Variants in ROCK2 observed in about 807,000 individuals in gnomAD.
The protein encoded by ROCK2 is Rho associated coiled-coil containing protein kinase 2, also known as rho-associated protein kinase 2.
ROCK2 carries 61 observed loss-of-function variants against 195.1 expected under a neutral mutation model. The ratio of observed to expected loss-of-function variants is 0.31; its 90% CI spans 0.25 to 0.39. The LOEUF (loss-of-function observed/expected upper bound fraction) is 0.39. Ranked by LOEUF, ROCK2 falls within the 10% of genes least tolerant of loss-of-function variation. The pLI, the probability that ROCK2 is intolerant of heterozygous loss-of-function variation, is 1.00. For synonymous variants in ROCK2, 504 were observed against 545.5 expected (o/e 0.92, Z 1.06); for missense variants, 1,109 against 1,637.4 (o/e 0.68, Z 5.57).
chr2:11,283,491 G>A (rs1667082012), intron 3 of ROCK2, among the ~76,000 whole-genome samples: 1 of 147,730 alleles, frequency 6.8e-6, no homozygotes. Flanking sequence ...AACCCGGGAA[G>A]CGGAGCTTGC....
intron 3 of ROCK2, among the ~76,000 whole-genome samples, chr2:11,254,094 C>T (rs1263802240): frequency 6.6e-6 from 1 of 152,140 alleles, no homozygotes; most frequent in Non-Finnish European, 1.5e-5. Flanking sequence ...CAGCATGACA[C>T]AATACATTTG....
At chr2:11,335,955 TTAAA>T (rs1668915435) in intron 1 of ROCK2, among the ~76,000 whole-genome samples, 1 of 152,178 alleles carries the variant, frequency 6.6e-6, no homozygotes, top group Non-Finnish European at 1.5e-5. Flanking sequence ...ATACTATTCA[TTAAA>T]TATTTAAAAA....
intron 1 of ROCK2, among the ~76,000 whole-genome samples, chr2:11,293,527 T>C (rs1191220748): frequency 6.6e-6 from 1 of 152,186 alleles, no homozygotes. Context: ...GACTTTTCCT[T>C]GAGCCTCAGG....
chr2:11,320,385 T>A (rs527479848), intron 1 of ROCK2, among the ~76,000 whole-genome samples: 41 of 152,328 alleles, frequency 2.7e-4, no homozygotes, highest in African/African-American at 9.6e-4. Flanking sequence ...CACTGTCTCG[T>A]GGTGCAGCTG....
chr2:11,314,891 A>C (rs1177130722), intron 1 of ROCK2, among the ~76,000 whole-genome samples: 6 of 152,062 alleles, frequency 3.9e-5, no homozygotes, highest in Admixed American at 3.9e-4. Context: ...TCCCTAAAGG[A>C]ATGTGTCCAA....
At chr2:11,211,281 A>G (rs2148059301) in intron 18 of ROCK2, among the ~76,000 whole-genome samples, 1 of 152,346 alleles carries the variant, frequency 6.6e-6, no homozygotes, top group South Asian at 2.1e-4. Context: ...CAAGAATTTT[A>G]TAATACAAAA....
At chr2:11,256,381 T>C (rs1167103018) in intron 3 of ROCK2, among the ~76,000 whole-genome samples, 1 of 151,226 alleles carries the variant, frequency 6.6e-6, no homozygotes, top group Non-Finnish European at 1.5e-5. Flanking sequence ...CTTCCTTCTC[T>C]GGCCACGTAA....
intron 4 of ROCK2, among the ~76,000 whole-genome samples, chr2:11,249,053 GC>G: frequency 6.6e-6 from 1 of 152,042 alleles, no homozygotes; most frequent in South Asian, 2.1e-4. Context: ...GTGCCACTAT[GC>G]CCGGCTAATT....
chr2:11,233,236 T>A (rs1474269118), intron 5 of ROCK2, among the ~76,000 whole-genome samples: 1 of 152,144 alleles, frequency 6.6e-6, no homozygotes, highest in Non-Finnish European at 1.5e-5. Flanking sequence ...AAAAGATTAA[T>A]GTAATTTTTA....
At chr2:11,289,242 C>T (rs1312803522) in intron 1 of ROCK2, among the ~76,000 whole-genome samples, 1 of 152,100 alleles carries the variant, frequency 6.6e-6, no homozygotes, top group African/African-American at 2.4e-5. Flanking sequence ...GAGACATACC[C>T]TCCCACACAC....
At chr2:11,306,425 CCACTTAT>C (rs1558378690) in intron 1 of ROCK2, among the ~76,000 whole-genome samples, 2 of 151,978 alleles carry the variant, frequency 1.3e-5, no homozygotes, top group Non-Finnish European at 2.9e-5. Context: ...TTTCTCCTTA[CCACTTAT>C]CACTATCCTA....
intron 1 of ROCK2, among the ~76,000 whole-genome samples, chr2:11,325,608 G>C (rs1333456453): frequency 1.4e-4 from 22 of 152,192 alleles, no homozygotes; most frequent in Non-Finnish European, 1.6e-4. Context: ...GGTTAGAGAA[G>C]TCAGCAGAAG....
At chr2:11,330,388 A>T (rs1011104619) in intron 1 of ROCK2, among the ~76,000 whole-genome samples, 1 of 152,218 alleles carries the variant, frequency 6.6e-6, no homozygotes, top group Non-Finnish European at 1.5e-5. Context: ...CCCACAAACT[A>T]TAACTCTAAA....
intron 3 of ROCK2, among the ~76,000 whole-genome samples, chr2:11,262,616 C>CTT (rs781378024): frequency 3.3e-5 from 5 of 152,204 alleles, no homozygotes; most frequent in Non-Finnish European, 7.3e-5. Flanking sequence ...CACAAGCTCT[C>CTT]TTTGCCTGCT....
At chr2:11,219,470 C>T (rs1664552977) in intron 9 of ROCK2, among the ~76,000 whole-genome samples, 2 of 151,992 alleles carry the variant, frequency 1.3e-5, no homozygotes, top group South Asian at 4.1e-4. Context: ...GAGATCGCAC[C>T]ACTGCACTCT....
intron 1 of ROCK2, among the ~76,000 whole-genome samples, chr2:11,329,201 T>C (rs953236381): frequency 6.6e-6 from 1 of 152,172 alleles, no homozygotes; most frequent in African/African-American, 2.4e-5. Context: ...AAAAATTCAT[T>C]TTAACCTTCA....
chr2:11,189,107 A>G (rs918405772), intron 32 of ROCK2, among the ~76,000 whole-genome samples: 3 of 152,154 alleles, frequency 2.0e-5, no homozygotes, highest in Admixed American at 1.3e-4. Context: ...AGAAAGACAC[A>G]GAGGAAAAGT....
At chr2:11,202,345 T>G (rs546564637) in intron 20 of ROCK2, among the ~76,000 whole-genome samples, 9 of 152,250 alleles carry the variant, frequency 5.9e-5, no homozygotes, top group African/African-American at 1.9e-4. Flanking sequence ...GACTTGTAAT[T>G]ACATCATTCT....
intron 1 of ROCK2, among the ~76,000 whole-genome samples, chr2:11,315,395 CA>C (rs1380230907): frequency 6.6e-6 from 1 of 151,346 alleles, no homozygotes; most frequent in South Asian, 2.1e-4. Flanking sequence ...GTTAGGGGAA[CA>C]AAATGGAAAT....
Sources: gnomAD v4.1 joint callset for allele counts (sites outside exome capture counted in the v4.1 genomes callset) on GRCh38, gnomAD v4.1.1 for gene constraint, MANE v1.5 for transcripts, NCBI Gene and HGNC (gene_info 2026-07-23, HGNC 2026-07-21) for gene names.